The following EHD3 variants were observed in gnomAD, a reference collection of about 807,000 sequenced individuals.
The protein encoded by EHD3 is EH domain containing 3, also known as EH domain-containing protein 3.
In EHD3, 17 loss-of-function variants were observed where a neutral mutation model predicts 43.0. The observed-to-expected ratio is 0.40, with a 90% CI of 0.27 to 0.59. The LOEUF is 0.59. Ranked by LOEUF, EHD3 falls within the 20% of genes least tolerant of loss-of-function variation. The pLI is 0.49. For synonymous variants in EHD3, 313 were observed against 289.5 expected, an observed-to-expected ratio of 1.08 and a Z score of -0.82; for missense variants, 594 against 705.6, an observed-to-expected ratio of 0.84 and a Z score of 1.79.
Position 31,260,980 on chromosome 2 carries a change from G to A in EHD3, c.915+58G>A. The stretch of plus-strand genomic sequence containing the variant: ...GGCAGGGGCCCAGAGTTTGGGGTCA[G>A]CTGCACGAGCTGAGGGTTGCTGCCT... On this transcript the variant is annotated intron_variant, in intron 4 of 5. Transcript: ENST00000322054. The surrounding 1 kb of genome is among the most constrained non-coding windows in gnomAD (Gnocchi z 4.6). 6.5e-7 allele frequency: 1 copy of A among 1,533,112 alleles called. No individual in the cohort carries two copies. The highest frequency in any genetic ancestry group is 8.8e-7 in the Non-Finnish European group (1 of 1,141,104). 95.0% of individuals were successfully genotyped at this position (1,533,112 alleles called of 1,614,324 possible).
chr2:31,266,112 C>A lies in EHD3; in HGVS notation c.1081-65C>A. 1 of 1,531,688 alleles carries A rather than the reference C, an allele frequency of 6.5e-7. No individual in the cohort carries two copies. Among genetic ancestry groups the A allele is most frequent in the East Asian group, 2.3e-5 (1 of 44,126 alleles). The allele number at this position is 1,531,688 out of a possible 1,614,324, so 94.9% of individuals were successfully genotyped here. On this transcript the variant is annotated intron_variant, in intron 5 of 5. Transcript: ENST00000322054. This position sits in a 1 kb window ranked among gnomAD's most constrained non-coding sequence, Gnocchi z 5.1. The stretch of plus-strand genomic sequence containing the variant: ...AACATTCTGGTGCTCATAGGAGGCA[C>A]GTGATAAATGGAGGGCTCTCCTTTC...
rs746546961 is a variant in EHD3, at chr2:31,261,551, C to T, written c.918C>T (p.Val306=). ...DLIKRARLAK[V]HAYIISSLKK... ...TTCTCTCTGGCCCTGTTTGTCAGGTCCACGCCTACATCATCAGCTCTCTGA... is the reference window on the plus strand; with the variant it reads ...TTCTCTCTGGCCCTGTTTGTCAGGTTCACGCCTACATCATCAGCTCTCTGA... The change falls in exon 5 of 6, where the codon GTC becomes GTT. Residue 306 remains valine (V), a splice_region_variant and synonymous_variant. Coordinates refer to ENST00000322054, the MANE Select transcript of EHD3 (RefSeq NM_014600.3). 11 of 1,613,976 alleles carry T rather than the reference C, an allele frequency of 6.8e-6. No individual in the cohort carries two copies. The highest frequency in any genetic ancestry group is 9.3e-6 in the Non-Finnish European group (11 of 1,179,986).
At position 31,268,537 on chromosome 2, in the gene EHD3, G is replaced by A. The variant is rs1176058027; in HGVS notation, c.*1833G>A. The A allele has an allele frequency of 4.6e-5, 7 of 152,240 alleles. No individual in the cohort carries two copies. Among genetic ancestry groups the A allele is most frequent in the Non-Finnish European group, 8.8e-5 (6 of 68,064 alleles). 9.4% of individuals were successfully genotyped at this position (152,240 alleles called of 1,614,324 possible). On this transcript the variant is annotated 3_prime_UTR_variant, in exon 6 of 6. Transcript: ENST00000322054. ...AGCATCCACAACCAGCTTCCCAGTG[G>A]GCTGGAGTTTGTCTAGGCTCAGTGA...
intron 3 of EHD3, among the ~76,000 whole-genome samples, chr2:31,259,283 TGCTGCTCATGG>T (rs1365780885): frequency 6.6e-6 from 1 of 152,222 alleles, no homozygotes; most frequent in Non-Finnish European, 1.5e-5. Context: ...ATGCGACTGC[TGCTGCTCATGG>T]GCTGTGTGCC....
intron 2 of EHD3, among the ~76,000 whole-genome samples, chr2:31,246,942 G>A (rs1226581557): frequency 6.6e-6 from 1 of 151,706 alleles, no homozygotes; most frequent in African/African-American, 2.4e-5. Flanking sequence ...TGTCGCCCAG[G>A]CTGAAGTGCA....
chr2:31,250,965 A>G lies in EHD3; in HGVS notation c.502+1497A>G, dbSNP rs575878804. ...GATCTGCCCTGCCCATGTCTGTGCC[A>G]CAATAGTGGGGCCCAGAAACCTTTG... On this transcript the variant is annotated intron_variant, in intron 3 of 5. Coordinates refer to ENST00000322054, the MANE Select transcript of EHD3 (RefSeq NM_014600.3). 2.6e-5 allele frequency among the ~76,000 whole-genome samples: 4 copies of G among 152,286 alleles called. No individual in the cohort carries two copies. The East Asian group carries it at 5.8e-4, about 22-fold the overall frequency.
At chr2:31,257,657 G>T (rs1052493296) in intron 3 of EHD3, among the ~76,000 whole-genome samples, 1 of 152,166 alleles carries the variant, frequency 6.6e-6, no homozygotes, top group Non-Finnish European at 1.5e-5. Context: ...ACATCTTACC[G>T]TCTGCAGCAA....
chr2:31,249,632 G>C (rs1045482865), intron 3 of EHD3, among the ~76,000 whole-genome samples, 164 bp downstream of exon 3: 1 of 152,152 alleles, frequency 6.6e-6, no homozygotes, highest in South Asian at 2.1e-4. Flanking sequence ...GTCCTAGGCC[G>C]GGGTTGGCAG....
At chr2:31,255,357 T>C (rs1321913324) in intron 3 of EHD3, among the ~76,000 whole-genome samples, 1 of 152,188 alleles carries the variant, frequency 6.6e-6, no homozygotes, top group Non-Finnish European at 1.5e-5. Context: ...TCACTGGCCA[T>C]AGCACTCACC....
intron 1 of EHD3, among the ~76,000 whole-genome samples, chr2:31,243,419 T>TC (rs1683456736): frequency 1.4e-5 from 2 of 143,456 alleles, no homozygotes; most frequent in Non-Finnish European, 3.0e-5. Flanking sequence ...TGGAGATTCA[T>TC]TTTTCTTTCT....
At chr2:31,237,762 A>T (rs1683348996) in intron 1 of EHD3, among the ~76,000 whole-genome samples, 1 of 152,216 alleles carries the variant, frequency 6.6e-6, no homozygotes, top group African/African-American at 2.4e-5. Context: ...ATTTGTCAGC[A>T]TTATTTTTAA....
chr2:31,250,887 ACTGT>A (rs1301025845), intron 3 of EHD3, among the ~76,000 whole-genome samples: 2 of 152,176 alleles, frequency 1.3e-5, no homozygotes, highest in Non-Finnish European at 2.9e-5. Flanking sequence ...TAGGTAGGTG[ACTGT>A]CTGCATGTGC....
At chr2:31,236,766 G>A (rs945383906) in intron 1 of EHD3, among the ~76,000 whole-genome samples, 4 of 152,280 alleles carry the variant, frequency 2.6e-5, no homozygotes, top group South Asian at 2.1e-4. Context: ...CCAGGGTCTC[G>A]GCTATAGGAG....
intron 2 of EHD3, among the ~76,000 whole-genome samples, chr2:31,245,553 A>ATATATATATATATATTT (rs1446415610): frequency 2.9e-5 from 1 of 35,052 alleles, no homozygotes; most frequent in East Asian, 1.7e-3. Context: ...ATATATATAT[A>ATATATATATATATATTT]TTTTTTTTTT....
At chr2:31,255,933 T>TG (rs1172399872) in intron 3 of EHD3, among the ~76,000 whole-genome samples, 1 of 152,318 alleles carries the variant, frequency 6.6e-6, no homozygotes, top group East Asian at 1.9e-4. Flanking sequence ...TCTCTTGCTG[T>TG]GCCTGCAAAG....
rs528216690 is a variant in EHD3, at chr2:31,241,795, C to T, written c.228-2479C>T. On this transcript the variant is annotated intron_variant, in intron 1 of 5. Transcript: ENST00000322054. Reference sequence around the variant, plus strand: ...AGGCCACTGAGATTCACAGCTTCTCCCAGGAGGCCCTGAAGGAGAAGGTAT... The same window carrying T: ...AGGCCACTGAGATTCACAGCTTCTCTCAGGAGGCCCTGAAGGAGAAGGTAT... Among the ~76,000 whole-genome samples, 6 of 152,298 alleles carry T rather than the reference C, an allele frequency of 3.9e-5. No individual in the cohort carries two copies. The South Asian group carries it at 1.2e-3, about 32-fold the overall frequency.
At chr2:31,240,668 C>A (rs645744) in intron 1 of EHD3, among the ~76,000 whole-genome samples, 94,828 of 152,130 alleles carry the variant, frequency 0.62, 31,027 homozygotes, top group East Asian at 0.84. Flanking sequence ...GGCTGGGAAG[C>A]CTTCACTCAT....
intron 2 of EHD3, 96 bp downstream of exon 2, chr2:31,244,546 G>C: frequency 7.6e-7 from 1 of 1,317,308 alleles, no homozygotes; most frequent in Non-Finnish European, 1.0e-6. Flanking sequence ...GGGATGCTTG[G>C]TGCCTAGAGT....
intron 3 of EHD3, among the ~76,000 whole-genome samples, chr2:31,256,107 C>G (rs928564512): frequency 6.6e-6 from 1 of 152,160 alleles, no homozygotes; most frequent in African/African-American, 2.4e-5. Context: ...AGGGGAGATT[C>G]TTGCCCAAGG....
Sources: allele counts gnomAD v4.1 joint callset (sites outside exome capture counted in the v4.1 genomes callset), GRCh38; gene constraint gnomAD v4.1.1; non-coding constraint Gnocchi (gnomAD v3.1); transcripts MANE v1.5; gene names NCBI Gene and HGNC (gene_info 2026-07-23, HGNC 2026-07-21).